The following NOX5 variants were observed in gnomAD, a reference collection of about 807,000 sequenced individuals.
The protein encoded by NOX5 is NADPH oxidase, EF-hand calcium binding domain 5.
In NOX5, 76 loss-of-function variants were observed where a neutral mutation model predicts 85.7. The ratio of observed to expected loss-of-function variants is 0.89; its 90% CI spans 0.74 to 1.07. The LOEUF is 1.07. Ranked by LOEUF, NOX5 falls within the 50% of genes least tolerant of loss-of-function variation. The pLI, the probability that NOX5 is intolerant of heterozygous loss-of-function variation, is 0.00. For synonymous variants in NOX5, 405 were observed against 401.4 expected (o/e 1.01, Z -0.11); for missense variants, 973 against 999.5 (o/e 0.97, Z 0.36).
In NOX5 at chr15:69,061,815, C is replaced by G. The variant is rs142814100; in HGVS notation, c.*5119C>G. 6.6e-6 allele frequency: 1 copy of G among 151,876 alleles called. No homozygotes were observed. The highest frequency in any genetic ancestry group is 1.5e-5 in the Non-Finnish European group (1 of 67,988). 9.4% of individuals were successfully genotyped at this position (151,876 alleles called of 1,614,324 possible). A position where few individuals can be genotyped will look rare whatever the true frequency, so the allele number is the denominator to read the frequency against. On this transcript the variant is annotated 3_prime_UTR_variant, in exon 16 of 16. Coordinates refer to ENST00000388866, the MANE Select transcript of NOX5 (RefSeq NM_024505.4). ...GTGTGAGTGTAGCCTGCTGGAGAAA[C>G]AAAGAAAGACAGGTAGTGAGTTTTA...
Position 69,031,631 on chromosome 15 carries a change from C to T in NOX5, c.439C>T (p.Arg147Cys). The change falls in exon 4 of 16, where the codon CGC becomes TGC. Residue 147 changes from arginine (R) to cysteine (C), a missense_variant. Transcript: ENST00000388866. ...GSGSIDPDEL[R>C]TVLQSCLRES... ...TGGCTCCATTGACCCGGATGAGCTG[C>T]GCACTGTGCTGCAGTCGTGTCTGCG... 6.2e-7 allele frequency: 1 copy of T among 1,613,292 alleles called. No homozygotes were observed. The highest frequency in any genetic ancestry group is 8.5e-7 in the Non-Finnish European group (1 of 1,180,010).
At chr15:69,028,550 C>A in intron 3 of NOX5, 185 bp downstream of exon 3, 1 of 446,362 alleles carries the variant, frequency 2.2e-6, no homozygotes, top group Non-Finnish European at 3.8e-6. Context: ...CCCAGTCTCT[C>A]TGTCTAATCC....
At chr15:69,031,400 G>C in intron 3 of NOX5, 118 bp from the exon 4 acceptor site, 2 of 1,172,142 alleles carry the variant, frequency 1.7e-6, no homozygotes, top group Non-Finnish European at 2.4e-6. Flanking sequence ...GAACATGGAA[G>C]GTTTCTGAGC....
chr15:69,031,645 G>A lies in NOX5; in HGVS notation c.453G>A (p.Gln151=). The change falls in exon 4 of 16, where the codon CAG becomes CAA. Residue 151 remains glutamine (Q), a synonymous_variant. Transcript: ENST00000388866. The stretch of plus-strand genomic sequence containing the variant: ...CGGATGAGCTGCGCACTGTGCTGCA[G>A]TCGTGTCTGCGCGAGAGCGCCATCT... ...IDPDELRTVL[Q]SCLRESAISL... is the part of the protein sequence containing the mutation. 1 of 1,613,398 alleles carries A rather than the reference G, an allele frequency of 6.2e-7. No homozygotes were observed. Among genetic ancestry groups the A allele is most frequent in the South Asian group, 1.1e-5 (1 of 91,084 alleles).
Position 69,058,166 on chromosome 15 carries a change from G to A in NOX5, c.*1470G>A, listed in dbSNP as rs1299912759. 1 of 152,394 alleles carries A rather than the reference G, an allele frequency of 6.6e-6. No individual in the cohort carries two copies. The highest frequency in any genetic ancestry group is 2.4e-5 in the African/African-American group (1 of 41,466). The allele number at this position is 152,394 out of a possible 1,614,324, so 9.4% of individuals were successfully genotyped here. A position where few individuals can be genotyped will look rare whatever the true frequency, so the allele number is the denominator to read the frequency against. On this transcript the variant is annotated 3_prime_UTR_variant, in exon 16 of 16. Transcript: ENST00000388866. ...GGGTTGGAACCAGGCACTTTCCAAT[G>A]GGATTGTAGCTGGCACCTTTCTTTT...
chr15:69,061,384 G>T lies in NOX5; in HGVS notation c.*4688G>T, dbSNP rs1173472853. 2.0e-5 allele frequency: 3 copies of T among 152,218 alleles called. No individual in the cohort carries two copies. Among genetic ancestry groups the T allele is most frequent in the East Asian group, 3.8e-4 (2 of 5,196 alleles). 9.4% of individuals were successfully genotyped at this position (152,218 alleles called of 1,614,324 possible). A position where few individuals can be genotyped will look rare whatever the true frequency, so the allele number is the denominator to read the frequency against. Reference sequence around the variant, plus strand: ...TCTAGGCCCAAAACTAGTCCAGAAGGACTGTGGAGGCCGTGGGCATACACG... The same window carrying T: ...TCTAGGCCCAAAACTAGTCCAGAAGTACTGTGGAGGCCGTGGGCATACACG... On this transcript the variant is annotated 3_prime_UTR_variant, in exon 16 of 16. Transcript: ENST00000388866.
Position 69,057,734 on chromosome 15 carries a change from G to T in NOX5, c.*1038G>T, listed in dbSNP as rs893564478. On this transcript the variant is annotated 3_prime_UTR_variant, in exon 16 of 16. Transcript: ENST00000388866. ...TCTGTGAAATAAGCTGATGCCATCCGTCAGTCACAGTTGCTGTGAGGTGAC... is the reference window on the plus strand; with the variant it reads ...TCTGTGAAATAAGCTGATGCCATCCTTCAGTCACAGTTGCTGTGAGGTGAC... 6.6e-6 allele frequency: 1 copy of T among 152,248 alleles called. No individual in the cohort carries two copies. Among genetic ancestry groups the T allele is most frequent in the South Asian group, 2.1e-4 (1 of 4,832 alleles). 9.4% of individuals were successfully genotyped at this position (152,248 alleles called of 1,614,324 possible).
At chr15:69,045,437 C>A (rs1298299509) in intron 10 of NOX5, among the ~76,000 whole-genome samples, 2 of 152,100 alleles carry the variant, frequency 1.3e-5, no homozygotes, top group East Asian at 3.9e-4. Context: ...AGGCTCCATG[C>A]CAGAGGTGGT....
intron 3 of NOX5, 64 bp downstream of exon 3, chr15:69,028,429 C>T: frequency 3.4e-6 from 5 of 1,469,726 alleles, no homozygotes; most frequent in Non-Finnish European, 4.5e-6. Flanking sequence ...GAGAACTGGC[C>T]ATTTCACCTT....
intron 15 of NOX5, among the ~76,000 whole-genome samples, chr15:69,056,120 G>A (rs1393458923): frequency 1.3e-5 from 2 of 152,236 alleles, no homozygotes; most frequent in Non-Finnish European, 2.9e-5. Context: ...GGGTAGAAAA[G>A]GGTCCTCACT....
intron 1 of NOX5, among the ~76,000 whole-genome samples, chr15:69,021,830 T>C (rs1329411473): frequency 1.3e-5 from 2 of 152,240 alleles, no homozygotes; most frequent in Non-Finnish European, 2.9e-5. Context: ...CATGCTTTTC[T>C]TCTTAGTTTT....
In NOX5 at chr15:69,031,704, T is replaced by C. The variant is rs1567097094; in HGVS notation, c.512T>C (p.Leu171Pro). 4 of 1,613,264 alleles carry C rather than the reference T, an allele frequency of 2.5e-6. No individual in the cohort carries two copies. The highest frequency in any genetic ancestry group is 2.5e-6 in the Non-Finnish European group (3 of 1,179,820). ...GACGAGAAGCTGGACCAGCTGACGC[T>C]GGCGCTCTTCGAATCGGCCGACGCG... ...LPDEKLDQLTLALFESADADG... is the reference protein window; with the variant it reads ...LPDEKLDQLTPALFESADADG... Residue 171 changes from leucine (L) to proline (P), a missense_variant, in exon 4 of 16, where the codon CTG becomes CCG. Coordinates refer to ENST00000388866, the MANE Select transcript of NOX5 (RefSeq NM_024505.4).
rs2050843189 is a variant in NOX5, at chr15:69,058,729, G to C, written c.*2033G>C. The C allele has an allele frequency of 6.6e-6, 1 of 152,154 alleles. No individual in the cohort carries two copies. The highest frequency in any genetic ancestry group is 1.5e-5 in the Non-Finnish European group (1 of 68,046). The allele number at this position is 152,154 out of a possible 1,614,324, so 9.4% of individuals were successfully genotyped here. On this transcript the variant is annotated 3_prime_UTR_variant, in exon 16 of 16. Coordinates refer to ENST00000388866, the MANE Select transcript of NOX5 (RefSeq NM_024505.4). The stretch of plus-strand genomic sequence containing the variant: ...CAACTCACCAGGGAAACTCACACCT[G>C]GAGTTTTACCAGCCTGAGGCCACAC...
At chr15:69,051,899 G>T (rs2050754223) in intron 14 of NOX5, among the ~76,000 whole-genome samples, 1 of 151,594 alleles carries the variant, frequency 6.6e-6, no homozygotes, top group African/African-American at 2.4e-5. Flanking sequence ...TTAACTGTTT[G>T]GTCCCTTCTT....
At chr15:69,052,067 A>G (rs1381485978) in intron 14 of NOX5, among the ~76,000 whole-genome samples, 1 of 152,060 alleles carries the variant, frequency 6.6e-6, no homozygotes, top group Non-Finnish European at 1.5e-5. Context: ...TTTTTTAAAA[A>G]ACTAGCTAGG....
chr15:69,045,571 C>T (rs199536751), intron 10 of NOX5, among the ~76,000 whole-genome samples: 1,095 of 7,068 alleles, frequency 0.15, 10 homozygotes, highest in Admixed American at 0.21. Context: ...TTTCTTTCTT[C>T]CCTTTCTTTC....
chr15:69,028,359 A>T lies in NOX5; in HGVS notation c.319A>T (p.Ile107Phe), dbSNP rs1367360379. Residue 107 changes from isoleucine to phenylalanine, a missense_variant, in exon 3 of 16, where the codon ATC becomes TTC. By Grantham distance (21) the Ile-to-Phe change is conservative (BLOSUM62 0). Transcript: ENST00000388866. ...CAAATTCCTCTTCCAGGTGTATGAC[A>T]TCGATGGTAAGGGCTCTTCCTGGGT... ...KLKFLFQVYD[I>F]DVCARQGASA... 3 of 1,600,710 alleles carry T rather than the reference A, an allele frequency of 1.9e-6. No homozygotes were observed. Among genetic ancestry groups the T allele is most frequent in the Non-Finnish European group, 1.7e-6 (2 of 1,172,660 alleles).
At chr15:69,038,482 C>A in intron 8 of NOX5, 1 of 301,030 alleles carries the variant, frequency 3.3e-6, no homozygotes, top group African/African-American at 2.2e-5. Flanking sequence ...GGAGAGATGC[C>A]CATTGATGGT....
At chr15:69,019,935 A>C (rs1484964979) in intron 1 of NOX5, among the ~76,000 whole-genome samples, 1 of 152,236 alleles carries the variant, frequency 6.6e-6, no homozygotes, top group East Asian at 1.9e-4. Context: ...AAAAGATATA[A>C]TTGTTATAAA....
Sources: allele counts gnomAD v4.1 joint callset (sites outside exome capture counted in the v4.1 genomes callset), GRCh38; gene constraint gnomAD v4.1.1; transcripts MANE v1.5; gene names NCBI Gene and HGNC (gene_info 2026-07-23, HGNC 2026-07-21).